DNAH17: variants seen among roughly 807,000 people sequenced by gnomAD.
DNAH17 encodes the protein dynein axonemal heavy chain 17, also known as axonemal beta dynein heavy chain 17.
In DNAH17, 376 loss-of-function variants were observed where a neutral mutation model predicts 485.6. The observed-to-expected ratio is 0.77, with a 90% CI of 0.71 to 0.84. DNAH17 has a LOEUF of 0.84. Among genes scored for constraint, DNAH17 ranks in the 40% least tolerant of loss-of-function variants. The pLI, the probability that DNAH17 is intolerant of heterozygous loss-of-function variation, is 0.00. For missense variants in DNAH17, 6,370 were observed against 5,839.3 expected, an observed-to-expected ratio of 1.09 and a Z score of -2.96; for synonymous variants, 3,031 against 2,405.9, an observed-to-expected ratio of 1.26 and a Z score of -7.60.
chr17:78,432,393 ACAG>A (rs68161013), intron 75 of DNAH17, among the ~76,000 whole-genome samples: 149,976 of 152,138 alleles, frequency 0.99, 73,961 homozygotes, highest in East Asian at 1. Context: ...CGACCGGCAG[ACAG>A]CAGAGGCTGC....
rs757380449 is a variant in DNAH17 at position 78,475,348 on chromosome 17, G to A, written c.8441C>T (p.Ala2814Val). 1.9e-6 allele frequency: 3 copies of A among 1,613,996 alleles called. No individual in the cohort carries two copies. Among genetic ancestry groups the A allele is most frequent in the Non-Finnish European group, 1.7e-6 (2 of 1,179,912 alleles). ...GSGKQSLSRL[A>V]AYISGLDVFQ... is the part of the protein sequence containing the mutation. ...CACGTCAAGCCCGCTGATGTACGCT[G>A]CCAGGCGGGAGAGGCTCTGTTTGCC... is the stretch of plus-strand genomic sequence containing the variant. The change falls in exon 54 of 81, where the codon GCA (alanine) becomes GTA (valine). Residue 2814 changes from alanine to valine, a missense_variant. By Grantham distance (64) the Ala-to-Val change is moderately conservative. Transcript: ENST00000389840.
At chr17:78,532,942 G>T in intron 19 of DNAH17, 2 of 550,210 alleles carry the variant, frequency 3.6e-6, no homozygotes, top group East Asian at 3.3e-5. Flanking sequence ...TCACCATACT[G>T]ATGCCAAACT....
In DNAH17 at chr17:78,444,709, G is replaced by A. The variant is rs139388105; in HGVS notation, c.11423C>T (p.Ala3808Val). ...CTTGGGGAAGATCTCCTTCTCGGGG[G>A]CTTCCGACTCCACCAGCTTTTTCCA... is the stretch of plus-strand genomic sequence containing the variant. ...KRWKKLVESE[A>V]PEKEIFPKEW... The change falls in exon 71 of 81, where the codon GCC becomes GTC. Residue 3808 changes from alanine (A) to valine (V), a missense_variant. By Grantham distance (64) the Ala-to-Val change is moderately conservative (BLOSUM62 0). Coordinates refer to ENST00000389840, the MANE Select transcript of DNAH17 (RefSeq NM_173628.4). 136 of 1,607,356 alleles carry A rather than the reference G, an allele frequency of 8.5e-5. No individual in the cohort carries two copies. The African/African-American group carries it at 1.0e-3, about 12-fold the overall frequency.
intron 27 of DNAH17, among the ~76,000 whole-genome samples, chr17:78,509,647 G>A (rs1023587417): frequency 2.6e-5 from 4 of 152,164 alleles, no homozygotes; most frequent in Non-Finnish European, 5.9e-5. Flanking sequence ...ACTGCCGGTA[G>A]CCAGTGGCGC....
intron 19 of DNAH17, among the ~76,000 whole-genome samples, chr17:78,533,672 C>A (rs2091299287): frequency 6.6e-6 from 1 of 152,138 alleles, no homozygotes; most frequent in Non-Finnish European, 1.5e-5. Flanking sequence ...TTGTCTGCAT[C>A]TTATGAAATT....
intron 54 of DNAH17, among the ~76,000 whole-genome samples, chr17:78,470,451 AG>A (rs1308822089): frequency 6.6e-6 from 1 of 150,618 alleles, no homozygotes; most frequent in Non-Finnish European, 1.5e-5. Flanking sequence ...GCACTTTGGG[AG>A]GCCGAGGAGG....
At chr17:78,507,897 C>A in intron 27 of DNAH17, 92 bp from the exon 28 acceptor site, 6 of 1,241,938 alleles carry the variant, frequency 4.8e-6, no homozygotes, top group Non-Finnish European at 6.5e-6. Flanking sequence ...ACTGAAGCTC[C>A]ATGATCAGAA....
At position 78,537,383 on chromosome 17, in the gene DNAH17, C is replaced by G; in HGVS notation, c.2775G>C (p.Leu925=). The G allele has an allele frequency of 6.2e-7, 1 of 1,612,702 alleles. No individual in the cohort carries two copies. Among genetic ancestry groups the G allele is most frequent in the Non-Finnish European group, 8.5e-7 (1 of 1,179,610 alleles). Residue 925 remains leucine, a synonymous_variant, in exon 19 of 81, where the codon CTG becomes CTC. Coordinates refer to ENST00000389840, the MANE Select transcript of DNAH17 (RefSeq NM_173628.4). ...TLEVGSDRGF[L]ALIEGLVNDI... ...CGTTGACCAGGCCCTCGATCAGTGCCAGGAAGCCGCGATCTGAGCCCACCT... is the reference window on the plus strand; with the variant it reads ...CGTTGACCAGGCCCTCGATCAGTGCGAGGAAGCCGCGATCTGAGCCCACCT...
chr17:78,534,377 T>C (rs2091319083), intron 19 of DNAH17, among the ~76,000 whole-genome samples: 1 of 151,506 alleles, frequency 6.6e-6, no homozygotes, highest in Non-Finnish European at 1.5e-5. Context: ...AGGGGAAGGT[T>C]GGCCCTAGGG....
In DNAH17 at chr17:78,567,017, G is replaced by C. The variant is rs756046446; in HGVS notation, c.1434C>G (p.Pro478=). The C allele has an allele frequency of 1.2e-6, 2 of 1,613,364 alleles. No individual in the cohort carries two copies. Among genetic ancestry groups the C allele is most frequent in the East Asian group, 2.2e-5 (1 of 44,878 alleles). ...GACCTACCGAGTCTCCAGGGTCCAA[G>C]GGATCATATTTGCAGTCGGCAAAAA... is the stretch of plus-strand genomic sequence containing the variant. ...VKVFADCKYD[P]LDPGDSNFDR... Residue 478 remains proline (P), a synonymous_variant, in exon 10 of 81, where the codon CCC becomes CCG. Transcript: ENST00000389840.
At chr17:78,464,358 C>T (rs2088305331) in intron 56 of DNAH17, among the ~76,000 whole-genome samples, 1 of 152,196 alleles carries the variant, frequency 6.6e-6, no homozygotes, top group Admixed American at 6.5e-5. Context: ...CTCCCGGGTT[C>T]AAGTGATTCT....
chr17:78,458,289 T>C (rs910580768), intron 62 of DNAH17, among the ~76,000 whole-genome samples: 1 of 152,212 alleles, frequency 6.6e-6, no homozygotes, highest in East Asian at 1.9e-4. Context: ...GAAAGTGGGT[T>C]ATGACCGAGT....
In DNAH17 at chr17:78,423,781, A is replaced by T; in HGVS notation, c.*125T>A. 7.8e-7 allele frequency: 1 copy of T among 1,277,364 alleles called. No individual in the cohort carries two copies. The highest frequency in any genetic ancestry group is 1.1e-6 in the Non-Finnish European group (1 of 916,728). 79.1% of individuals were successfully genotyped at this position (1,277,364 alleles called of 1,614,324 possible). ...GTTCCGATGTGCTTGGTTACAAAGC[A>T]CCTGATTATTTAAGAGAACGAAAAA... On this transcript the variant is annotated 3_prime_UTR_variant, in exon 81 of 81. Transcript: ENST00000389840.
intron 14 of DNAH17, among the ~76,000 whole-genome samples, chr17:78,555,860 C>T (rs2092010727): frequency 6.6e-6 from 1 of 152,188 alleles, no homozygotes; most frequent in Non-Finnish European, 1.5e-5. Context: ...GGAATTCACC[C>T]CTTGTTTCTG....
Position 78,530,511 on chromosome 17 carries a change from A to G in DNAH17, c.3116T>C (p.Ile1039Thr). The change falls in exon 21 of 81, where the codon ATC (isoleucine) becomes ACC (threonine). Residue 1039 changes from isoleucine to threonine, a missense_variant and splice_region_variant. Physicochemically the swap from Ile to Thr is moderately conservative, Grantham distance 89. Transcript: ENST00000389840. ...CTCATACAGCTTCTCGTAGGAGTCG[A>G]TCTGGAAAACACGGCCACCGGCGGC... The part of the protein sequence containing the change: ...PPTLAQFQEQ[I>T]DSYEKLYEEV... 1.9e-6 allele frequency: 3 copies of G among 1,601,982 alleles called. No individual in the cohort carries two copies. The highest frequency in any genetic ancestry group is 2.6e-6 in the Non-Finnish European group (3 of 1,171,118).
chr17:78,453,648 A>G (rs1270572996), intron 64 of DNAH17, among the ~76,000 whole-genome samples, 183 bp from the exon 65 acceptor site: 1 of 152,228 alleles, frequency 6.6e-6, no homozygotes, highest in Non-Finnish European at 1.5e-5. Flanking sequence ...GCTTCTTTGT[A>G]AACTGCCCCC....
At chr17:78,493,921 G>C (rs1050432483) in intron 41 of DNAH17, 115 bp downstream of exon 41, 6 of 1,399,846 alleles carry the variant, frequency 4.3e-6, no homozygotes, top group Non-Finnish European at 5.7e-6. Flanking sequence ...GGGCTCCCAG[G>C]ATGTACTGGG....
chr17:78,560,479 T>C lies in DNAH17; in HGVS notation c.2031+261A>G, dbSNP rs574657463. On this transcript the variant is annotated intron_variant, in intron 13 of 80. Transcript: ENST00000389840. ...TTATCTAGATTCGGCAAAGACTTTT[T>C]CCCCCCCCCCAGTTTCAAATTGTCA... is the stretch of plus-strand genomic sequence containing the variant. Among the ~76,000 whole-genome samples the C allele has an allele frequency of 1.2e-3, 186 of 151,758 alleles. 1 individual carries two copies. Among genetic ancestry groups the C allele is most frequent in the East Asian group, 0.011 (56 of 5,162 alleles).
rs527290569 is a variant in DNAH17 at position 78,462,970 on chromosome 17, T to C, written c.9048A>G (p.Thr3016=). ...LATERRYNYT[T]PKTFLEQIKL... ...TGATCTGCTCCAGAAAGGTTTTGGG[T>C]GTGGTGTAGTTGTAGCGCCTCTCAG... The change falls in exon 57 of 81, where the codon ACA becomes ACG. Residue 3016 remains threonine, a synonymous_variant. Transcript: ENST00000389840. 6.2e-7 allele frequency: 1 copy of C among 1,613,992 alleles called. No homozygotes were observed. Among genetic ancestry groups the C allele is most frequent in the African/African-American group, 1.3e-5 (1 of 75,032 alleles).
Sources: allele counts gnomAD v4.1 joint callset (sites outside exome capture counted in the v4.1 genomes callset), GRCh38; gene constraint gnomAD v4.1.1; transcripts MANE v1.5; gene names NCBI Gene and HGNC (gene_info 2026-07-23, HGNC 2026-07-21).